Variants in RFX2 observed in about 807,000 individuals in gnomAD.
RFX2 encodes regulatory factor X2, also known as DNA-binding protein RFX2.
In RFX2, 20 loss-of-function variants were observed where a neutral mutation model predicts 87.8. The observed-to-expected ratio is 0.23, with a 90% CI of 0.16 to 0.33. RFX2 has a LOEUF of 0.33. Among genes scored for constraint, RFX2 ranks in the 10% least tolerant of loss-of-function variants. The pLI, the probability that RFX2 is intolerant of heterozygous loss-of-function variation, is 1.00. For missense variants in RFX2, 767 were observed against 1,012.3 expected, an observed-to-expected ratio of 0.76 and a Z score of 3.29; for synonymous variants, 397 against 431.3, an observed-to-expected ratio of 0.92 and a Z score of 0.98.
intron 13 of RFX2, among the ~76,000 whole-genome samples, chr19:6,003,663 C>T (rs1465296042): frequency 6.6e-6 from 1 of 151,452 alleles, no homozygotes; most frequent in Non-Finnish European, 1.5e-5. Flanking sequence ...CCTGTAATCC[C>T]AGCTATTCGG....
chr19:6,037,394 A>G (rs2087040288), intron 5 of RFX2, among the ~76,000 whole-genome samples: 1 of 152,204 alleles, frequency 6.6e-6, no homozygotes, highest in Admixed American at 6.5e-5. Context: ...GGAAACAGAA[A>G]TTTAAAGATC....
At chr19:6,005,509 C>G (rs532806942) in intron 12 of RFX2, among the ~76,000 whole-genome samples, 1 of 152,322 alleles carries the variant, frequency 6.6e-6, no homozygotes, top group Admixed American at 6.5e-5. Context: ...CCCGAGGGCT[C>G]CCTCGTGGTG....
At position 6,071,791 on chromosome 19, in the gene RFX2, T is replaced by C. The variant is rs78936951; in HGVS notation, c.-8-24287A>G. Among the ~76,000 whole-genome samples the C allele has an allele frequency of 7.0e-3, 1,060 of 152,344 alleles. 16 individuals are homozygous for C. Among genetic ancestry groups the C allele is most frequent in the African/African-American group, 0.024 (1,008 of 41,572 alleles). ...TTCTAAGAAGATACACTAAAATCAA[T>C]TCTGTTTTAGAAAGGCAATTTAATA... On this transcript the variant is annotated intron_variant, in intron 1 of 17. Transcript: ENST00000303657.
chr19:6,030,358 G>A (rs919135900), intron 5 of RFX2, among the ~76,000 whole-genome samples: 1 of 152,172 alleles, frequency 6.6e-6, no homozygotes, highest in Non-Finnish European at 1.5e-5. Flanking sequence ...TAATCAAAGT[G>A]CCAGAAAGCG....
In RFX2 at chr19:6,047,218, T is replaced by C. The variant is rs551999227; in HGVS notation, c.90+189A>G. Among the ~76,000 whole-genome samples, 1 of 152,348 alleles carries C rather than the reference T, an allele frequency of 6.6e-6. No individual in the cohort carries two copies. The highest frequency in any genetic ancestry group is 1.9e-4 in the East Asian group (1 of 5,194). Reference sequence around the variant, plus strand: ...CATTGTTTCCTTGATGGGATCTTTTTAACAAATATTGAAAAAGCCAAATAC... The same window carrying C: ...CATTGTTTCCTTGATGGGATCTTTTCAACAAATATTGAAAAAGCCAAATAC... On this transcript the variant is annotated intron_variant, in intron 2 of 17. Coordinates refer to ENST00000303657, the MANE Select transcript of RFX2 (RefSeq NM_000635.4). The surrounding 1 kb of genome is among the most constrained non-coding windows in gnomAD (Gnocchi z 4.2).
At chr19:6,073,711 G>A (rs984650063) in intron 1 of RFX2, among the ~76,000 whole-genome samples, 2 of 152,166 alleles carry the variant, frequency 1.3e-5, no homozygotes, top group Non-Finnish European at 2.9e-5. Context: ...AGAGTGGAAC[G>A]ATGAAGACAC....
intron 13 of RFX2, among the ~76,000 whole-genome samples, chr19:6,003,374 C>A (rs1205737412): frequency 6.6e-6 from 1 of 152,098 alleles, no homozygotes; most frequent in Non-Finnish European, 1.5e-5. Context: ...CTGAATGTGA[C>A]TTTTTAACAA....
rs1036751892 is a variant in RFX2 at position 6,012,627 on chromosome 19, G to T, written c.899+359C>A. On this transcript the variant is annotated intron_variant, in intron 8 of 17. Coordinates refer to ENST00000303657, the MANE Select transcript of RFX2 (RefSeq NM_000635.4). This position sits in a 1 kb window ranked among gnomAD's most constrained non-coding sequence, Gnocchi z 4.6. Reference sequence around the variant, plus strand: ...CGGGTCATGAGCAATGCACCGCTGTGTGGGGGAGGTGAATGGTGGGAGAGG... The same window carrying T: ...CGGGTCATGAGCAATGCACCGCTGTTTGGGGGAGGTGAATGGTGGGAGAGG... 6.6e-6 allele frequency among the ~76,000 whole-genome samples: 1 copy of T among 152,146 alleles called. No homozygotes were observed. The highest frequency in any genetic ancestry group is 6.5e-5 in the Admixed American group (1 of 15,278).
In RFX2 at chr19:6,010,739, A is replaced by G. The variant is rs1489280899; in HGVS notation, c.900-488T>C. ...TTTTAAGGCTGAATAATATTCCATC[A>G]TATGGATGAACCACAGTTTGTTAAT... On this transcript the variant is annotated intron_variant, in intron 8 of 17. Transcript: ENST00000303657. This position sits in a 1 kb window ranked among gnomAD's most constrained non-coding sequence, Gnocchi z 5.0. Among the ~76,000 whole-genome samples, 1 of 152,248 alleles carries G rather than the reference A, an allele frequency of 6.6e-6. No individual in the cohort carries two copies. The highest frequency in any genetic ancestry group is 1.5e-5 in the Non-Finnish European group (1 of 68,042).
intron 6 of RFX2, among the ~76,000 whole-genome samples, chr19:6,025,808 T>C (rs1321672082): frequency 6.8e-6 from 1 of 146,362 alleles, no homozygotes; most frequent in Non-Finnish European, 1.5e-5. Flanking sequence ...TTTTTTGAGA[T>C]GGAGTCTCAC....
At chr19:6,078,120 G>A (rs944385711) in intron 1 of RFX2, 2 of 152,052 alleles carry the variant, frequency 1.3e-5, no homozygotes, top group African/African-American at 4.8e-5. Context: ...TATATGAAAG[G>A]TTCAAAACAG....
chr19:6,071,423 A>G (rs16993356), intron 1 of RFX2, among the ~76,000 whole-genome samples: 2,549 of 152,282 alleles, frequency 0.017, 80 homozygotes, highest in African/African-American at 0.059. Context: ...ACATATCTCA[A>G]TTGGCCCGGG....
At chr19:6,036,436 C>A (rs1007791740) in intron 5 of RFX2, among the ~76,000 whole-genome samples, 2 of 152,160 alleles carry the variant, frequency 1.3e-5, no homozygotes, top group Non-Finnish European at 2.9e-5. Flanking sequence ...GAGAGGACAG[C>A]AAGATTCATG....
Position 6,020,695 on chromosome 19 carries a change from G to C in RFX2, c.598-4424C>G, listed in dbSNP as rs1012181769. Among the ~76,000 whole-genome samples the C allele has an allele frequency of 6.6e-6, 1 of 152,224 alleles. No homozygotes were observed. Among genetic ancestry groups the C allele is most frequent in the Non-Finnish European group, 1.5e-5 (1 of 68,042 alleles). ...TCGCCCACCTCCCCTGCTCTTGAGGGCTCGGGTACCTTCATGCCAGGAAAG... is the reference window on the plus strand; with the variant it reads ...TCGCCCACCTCCCCTGCTCTTGAGGCCTCGGGTACCTTCATGCCAGGAAAG... On this transcript the variant is annotated intron_variant, in intron 6 of 17. Transcript: ENST00000303657. The surrounding 1 kb of genome is among the most constrained non-coding windows in gnomAD (Gnocchi z 5.3).
At chr19:6,031,726 A>T (rs552623776) in intron 5 of RFX2, among the ~76,000 whole-genome samples, 2 of 151,724 alleles carry the variant, frequency 1.3e-5, no homozygotes, top group Middle Eastern at 3.4e-3. Context: ...CACTGCACCC[A>T]GCCTCTTTCT....
At chr19:6,052,329 T>C (rs1019945759) in intron 1 of RFX2, among the ~76,000 whole-genome samples, 6 of 152,228 alleles carry the variant, frequency 3.9e-5, no homozygotes, top group Admixed American at 2.0e-4. Flanking sequence ...AATTTATCAG[T>C]ATGACATATT....
At chr19:6,095,004 C>T (rs1298941274) in intron 1 of RFX2, among the ~76,000 whole-genome samples, 1 of 152,020 alleles carries the variant, frequency 6.6e-6, no homozygotes, top group Non-Finnish European at 1.5e-5. Context: ...CCCAGTTACT[C>T]GGGAGGCTGA....
chr19:6,038,337 A>AC (rs2087052189), intron 5 of RFX2, among the ~76,000 whole-genome samples: 1 of 149,732 alleles, frequency 6.7e-6, no homozygotes, highest in Non-Finnish European at 1.5e-5. Flanking sequence ...AGAAAAAAAA[A>AC]AAAAAAAAAA....
intron 1 of RFX2, among the ~76,000 whole-genome samples, chr19:6,103,207 A>G (rs2088156265): frequency 1.3e-5 from 2 of 152,222 alleles, no homozygotes; most frequent in Non-Finnish European, 2.9e-5. Flanking sequence ...TAGCAGGTGT[A>G]AATGGACTGA....
Sources: gnomAD v4.1 joint callset for allele counts (sites outside exome capture counted in the v4.1 genomes callset) on GRCh38, gnomAD v4.1.1 for gene constraint, Gnocchi (gnomAD v3.1) non-coding constraint, MANE v1.5 for transcripts, NCBI Gene and HGNC (gene_info 2026-07-23, HGNC 2026-07-21) for gene names.